ZYX: variants seen among roughly 807,000 people sequenced by gnomAD.
The protein encoded by ZYX is zyxin-2.
In ZYX, 37 loss-of-function variants were observed where a neutral mutation model predicts 58.1. The ratio of observed to expected loss-of-function variants is 0.64; its 90% CI spans 0.49 to 0.84. The LOEUF is 0.84. Among genes scored for constraint, ZYX ranks in the 40% least tolerant of loss-of-function variants. The pLI is 0.00. For synonymous variants in ZYX, 324 were observed against 321.1 expected (o/e 1.01, Z -0.10); for missense variants, 762 against 761.6 (o/e 1.00, Z -0.01).
Position 143,390,524 on chromosome 7 carries a change from G to T in ZYX, c.1615-54G>T. The T allele has an allele frequency of 7.5e-7, 1 of 1,328,544 alleles. No homozygotes were observed. The highest frequency in any genetic ancestry group is 1.1e-6 in the Non-Finnish European group (1 of 947,690). 82.3% of individuals were successfully genotyped at this position (1,328,544 alleles called of 1,614,324 possible). On this transcript the variant is annotated intron_variant, in intron 9 of 9. Transcript: ENST00000322764. The surrounding 1 kb of genome is among the most constrained non-coding windows in gnomAD (Gnocchi z 4.3). ...GGAGCTGGATGGGGTGGGGTAGGGT[G>T]GAGCAGAGCAGGGGCCTTCCGGTCC...
chr7:143,382,063 C>G (rs1324314226), intron 2 of ZYX, 185 bp from the exon 3 acceptor site: 5 of 616,964 alleles, frequency 8.1e-6, no homozygotes, highest in Non-Finnish European at 1.4e-5. Context: ...CACCACTCCT[C>G]GGCAGTGCGC....
In ZYX at chr7:143,388,938, TACC is replaced by T. The variant is rs1193940224; in HGVS notation, c.1489_1491del (p.His497del). 10 of 1,608,900 alleles carry T rather than the reference TACC, an allele frequency of 6.2e-6. No homozygotes were observed. The highest frequency in any genetic ancestry group is 8.5e-6 in the Non-Finnish European group (10 of 1,178,160). On this transcript the variant is annotated inframe_deletion, in exon 8 of 10. Coordinates refer to ENST00000322764, the MANE Select transcript of ZYX (RefSeq NM_003461.5). This position sits in a 1 kb window ranked among gnomAD's most constrained non-coding sequence, Gnocchi z 7.5. ...CAACCGGCCCCACTGTGTCCCCGAC[TACC>T]ACAAGTGAGGACCTGCCACCTGCCT...
Position 143,389,011 on chromosome 7 carries a change from AC to A in ZYX, c.1493+69del. ...TGGTCTGGTAGCCCGGCTGCTTGCT[AC>A]CCTAGCCTCAGGACAGCCCCAAACC... On this transcript the variant is annotated intron_variant, in intron 8 of 9. Coordinates refer to ENST00000322764, the MANE Select transcript of ZYX (RefSeq NM_003461.5). The surrounding 1 kb of genome is among the most constrained non-coding windows in gnomAD (Gnocchi z 5.6). The A allele has an allele frequency of 6.5e-7, 1 of 1,541,814 alleles. No homozygotes were observed.
chr7:143,382,490 G>A, intron 3 of ZYX, 43 bp downstream of exon 3: 1 of 1,589,820 alleles, frequency 6.3e-7, no homozygotes, highest in African/African-American at 1.3e-5. Context: ...ACACCCCCAA[G>A]GAGAGGAGAA....
chr7:143,382,483 C>T (rs776788126), intron 3 of ZYX, 36 bp downstream of exon 3: 2 of 1,587,936 alleles, frequency 1.3e-6, no homozygotes, highest in South Asian at 1.1e-5. Context: ...GCACTGGACA[C>T]CCCCAAGGAG....
chr7:143,383,825 G>A (rs1239168328), intron 5 of ZYX, among the ~76,000 whole-genome samples: 7 of 152,190 alleles, frequency 4.6e-5, no homozygotes, highest in Non-Finnish European at 1.0e-4. Flanking sequence ...GGACATGGGA[G>A]GGAAGAGATC....
At position 143,388,070 on chromosome 7, in the gene ZYX, G is replaced by A; in HGVS notation, c.1024-149G>A. 1 of 910,524 alleles carries A rather than the reference G, an allele frequency of 1.1e-6. No homozygotes were observed. Among genetic ancestry groups the A allele is most frequent in the Non-Finnish European group, 1.6e-6 (1 of 607,540 alleles). 56.4% of individuals were successfully genotyped at this position (910,524 alleles called of 1,614,324 possible). ...GTGCTGGGGATGGCGGGGGTAGGGG[G>A]ACGAGGGAGAAGCTTTAAGGGTCAA... is the stretch of plus-strand genomic sequence containing the variant. On this transcript the variant is annotated intron_variant, in intron 5 of 9. Transcript: ENST00000322764. This position sits in a 1 kb window ranked among gnomAD's most constrained non-coding sequence, Gnocchi z 7.5.
At position 143,390,026 on chromosome 7, in the gene ZYX, C is replaced by T. The variant is rs571680548; in HGVS notation, c.1614+49C>T. 2.6e-5 allele frequency: 41 copies of T among 1,601,056 alleles called. No individual in the cohort carries two copies. The highest frequency in any genetic ancestry group is 1.7e-4 in the Middle Eastern group (1 of 5,994). On this transcript the variant is annotated intron_variant, in intron 9 of 9. Transcript: ENST00000322764. This position sits in a 1 kb window ranked among gnomAD's most constrained non-coding sequence, Gnocchi z 4.3. ...TGGGCAGGTTCTGACCAGGAGGTGG[C>T]GGGAGATGCTGCTTACTAACTGGGA...
chr7:143,386,088 G>A (rs914679999), intron 5 of ZYX, among the ~76,000 whole-genome samples: 12 of 151,812 alleles, frequency 7.9e-5, no homozygotes, highest in Non-Finnish European at 2.9e-5. Context: ...CATGTGAGTG[G>A]TATGTGGGTA....
Position 143,384,788 on chromosome 7 carries a change from G to A in ZYX, c.1023+1466G>A, listed in dbSNP as rs960813776. Reference sequence around the variant, plus strand: ...ACGATTTGGAGATGGGGTGTGGGCGGATGGCAGGATTGCTGACAAAATAGA... The same window carrying A: ...ACGATTTGGAGATGGGGTGTGGGCGAATGGCAGGATTGCTGACAAAATAGA... On this transcript the variant is annotated intron_variant, in intron 5 of 9. Transcript: ENST00000322764. The surrounding 1 kb of genome is among the most constrained non-coding windows in gnomAD (Gnocchi z 4.9). Among the ~76,000 whole-genome samples, 1 of 152,146 alleles carries A rather than the reference G, an allele frequency of 6.6e-6. No homozygotes were observed. The highest frequency in any genetic ancestry group is 2.4e-5 in the African/African-American group (1 of 41,426).
In ZYX at chr7:143,387,877, G is replaced by T. The variant is rs1586569916; in HGVS notation, c.1024-342G>T. On this transcript the variant is annotated intron_variant, in intron 5 of 9. Transcript: ENST00000322764. The surrounding 1 kb of genome is among the most constrained non-coding windows in gnomAD (Gnocchi z 5.8). Reference sequence around the variant, plus strand: ...GCATGCTCTGTGGAGTTGATGCGTGGCCCTGGAGTGTCCGGTGCTTCAGTG... The same window carrying T: ...GCATGCTCTGTGGAGTTGATGCGTGTCCCTGGAGTGTCCGGTGCTTCAGTG... The T allele has an allele frequency of 2.0e-6, 1 of 496,944 alleles. No homozygotes were observed. The highest frequency in any genetic ancestry group is 4.0e-6 in the Non-Finnish European group (1 of 248,634). 30.8% of individuals were successfully genotyped at this position (496,944 alleles called of 1,614,324 possible). A position where few individuals can be genotyped will look rare whatever the true frequency, so the allele number is the denominator to read the frequency against.
Position 143,390,145 on chromosome 7 carries a change from C to G in ZYX, c.1614+168C>G. The G allele has an allele frequency of 6.4e-6, 6 of 932,880 alleles. No homozygotes were observed. The highest frequency in any genetic ancestry group is 6.3e-6 in the Non-Finnish European group (4 of 632,546). 57.8% of individuals were successfully genotyped at this position (932,880 alleles called of 1,614,324 possible). ...TGTCCTGCCAGAATGCTTCCTGCCA[C>G]TGCAGGAAATGGGGCTGTGGGGCTT... On this transcript the variant is annotated intron_variant, in intron 9 of 9. Coordinates refer to ENST00000322764, the MANE Select transcript of ZYX (RefSeq NM_003461.5). The surrounding 1 kb of genome is among the most constrained non-coding windows in gnomAD (Gnocchi z 4.3).
chr7:143,389,095 G>A lies in ZYX; in HGVS notation c.1493+150G>A, dbSNP rs997027800. ...TGTAAACAGCAGGGACCAAGTCATCGGGATGTAGCTGTCCAGGGGCCTTAG... is the reference window on the plus strand; with the variant it reads ...TGTAAACAGCAGGGACCAAGTCATCAGGATGTAGCTGTCCAGGGGCCTTAG... On this transcript the variant is annotated intron_variant, in intron 8 of 9. Transcript: ENST00000322764. The surrounding 1 kb of genome is among the most constrained non-coding windows in gnomAD (Gnocchi z 5.6). 15 of 919,032 alleles carry A rather than the reference G, an allele frequency of 1.6e-5. No individual in the cohort carries two copies. Among genetic ancestry groups the A allele is most frequent in the African/African-American group, 1.0e-4 (6 of 60,122 alleles). 56.9% of individuals were successfully genotyped at this position (919,032 alleles called of 1,614,324 possible).
At chr7:143,382,486 C>G (rs1306053528) in intron 3 of ZYX, 39 bp downstream of exon 3, 2 of 1,590,378 alleles carry the variant, frequency 1.3e-6, no homozygotes, top group Non-Finnish European at 1.7e-6. Flanking sequence ...CTGGACACCC[C>G]CAAGGAGAGG....
At chr7:143,382,226 G>T in intron 2 of ZYX, 22 bp from the exon 3 acceptor site, 1 of 1,608,124 alleles carries the variant, frequency 6.2e-7, no homozygotes, top group Middle Eastern at 1.7e-4. Context: ...CCCGGCCGAC[G>T]TCTTTCTCCT....
Position 143,383,064 on chromosome 7 carries a change from C to G in ZYX, c.765C>G (p.Pro255=), listed in dbSNP as rs1351013508. 1.9e-6 allele frequency: 3 copies of G among 1,614,218 alleles called. No individual in the cohort carries two copies. The East Asian group carries it at 6.7e-5, about 36-fold the overall frequency. The change falls in exon 5 of 10, where the codon CCC becomes CCG. Residue 255 remains proline, a synonymous_variant. Transcript: ENST00000322764. ...VSLANTQPRG[P]PASSPAPAPK... ...TGGCTAACACCCAGCCCCGAGGGCC[C>G]CCAGCCTCATCTCCGGCTCCAGCCC...
rs751775395 is a variant in ZYX, at chr7:143,388,861, G to A, written c.1409G>A (p.Cys470Tyr). The part of the protein sequence containing the change: ...GKAYHPHCFT[C>Y]VVCARPLEGT... ...GCCTATCACCCGCACTGCTTCACCT[G>A]TGTGGTCTGCGCCCGCCCCCTGGAG... The change falls in exon 8 of 10, where the codon TGT becomes TAT. Residue 470 changes from cysteine (C) to tyrosine (Y), a missense_variant. Physicochemically the swap from Cys to Tyr is radical, Grantham distance 194. Transcript: ENST00000322764. The surrounding 1 kb of genome is among the most constrained non-coding windows in gnomAD (Gnocchi z 7.5). 1.9e-6 allele frequency: 3 copies of A among 1,613,986 alleles called. No homozygotes were observed. Among genetic ancestry groups the A allele is most frequent in the South Asian group, 2.2e-5 (2 of 91,076 alleles).
chr7:143,383,149 GC>G lies in ZYX; in HGVS notation c.854del (p.Pro285GlnfsTer67). On this transcript the variant is annotated frameshift_variant, in exon 5 of 10. Transcript: ENST00000322764. LOFTEE classifies it high-confidence loss of function. ...TGTGGCTTCCAAGTTCAGTCCTGGA[GC>G]CCCAGGTGGATCTGGGTCACAACCA... ...TPVASKFSPG[A>X]PGGSGSQPNQ... The G allele has an allele frequency of 6.2e-7, 1 of 1,614,200 alleles. No homozygotes were observed. Among genetic ancestry groups the G allele is most frequent in the Non-Finnish European group, 8.5e-7 (1 of 1,180,046 alleles).
chr7:143,383,361 A>T lies in ZYX; in HGVS notation c.1023+39A>T, dbSNP rs761829476. The T allele has an allele frequency of 1.9e-6, 3 of 1,551,072 alleles. No individual in the cohort carries two copies. In the African/African-American group the frequency reaches 4.1e-5, roughly 21 times the overall value. On this transcript the variant is annotated intron_variant, in intron 5 of 9. Transcript: ENST00000322764. ...ATAGGACAAGGCTTGGTACCAGGGC[A>T]CTGGGGCGGGGCTGGGTCAGGAGCC...
Sources: allele counts gnomAD v4.1 joint callset (sites outside exome capture counted in the v4.1 genomes callset), GRCh38; gene constraint gnomAD v4.1.1; non-coding constraint Gnocchi (gnomAD v3.1); transcripts MANE v1.5; gene names NCBI Gene and HGNC (gene_info 2026-07-23, HGNC 2026-07-21).